The following NCAPG2 variants were observed in gnomAD, a reference collection of about 807,000 sequenced individuals.
NCAPG2 encodes condensin-2 complex subunit G2.
Under a neutral mutation model 141.1 loss-of-function variants are expected in NCAPG2, and 53 were observed. The observed-to-expected ratio is 0.38, with a 90% CI of 0.30 to 0.47. The LOEUF (loss-of-function observed/expected upper bound fraction) is 0.47. NCAPG2 is among the 20% of genes least tolerant of loss of function. The probability of loss-of-function intolerance (pLI) is 0.99; values close to 1 mark genes in which losing one functional copy is unlikely to be tolerated. For missense variants in NCAPG2, 1,087 were observed against 1,389.0 expected, an observed-to-expected ratio of 0.78 and a Z score of 3.46; for synonymous variants, 499 against 490.7, an observed-to-expected ratio of 1.02 and a Z score of -0.22.
Position 158,669,679 on chromosome 7 carries a change from G to C in NCAPG2, c.1479+1835C>G, listed in dbSNP as rs535665709. Among the ~76,000 whole-genome samples, 12 of 140,734 alleles carry C rather than the reference G, an allele frequency of 8.5e-5. No homozygotes were observed. The East Asian group carries it at 2.6e-3, about 30-fold the overall frequency. 92.3% of individuals were successfully genotyped at this position (140,734 alleles called of 152,430 possible). ...AGCTACTCAGGAGGCTGAGGCAGGAGAATCACTTGAAGCTGGGAGGCGGAG... is the reference window on the plus strand; with the variant it reads ...AGCTACTCAGGAGGCTGAGGCAGGACAATCACTTGAAGCTGGGAGGCGGAG... On this transcript the variant is annotated intron_variant, in intron 13 of 27. Transcript: ENST00000356309.
intron 19 of NCAPG2, among the ~76,000 whole-genome samples, chr7:158,655,742 G>GCCCTGCACGCCGCACCACCCGTCCCCTC (rs1405727341): frequency 6.6e-6 from 1 of 151,830 alleles, no homozygotes; most frequent in Non-Finnish European, 1.5e-5. Flanking sequence ...CTCCCCATCT[G>GCCCTGCACGCCGCACCACCCGTCCCCTC]CCTGGCTCCA....
At chr7:158,694,144 G>C (rs1318695490) in intron 2 of NCAPG2, among the ~76,000 whole-genome samples, 1 of 152,216 alleles carries the variant, frequency 6.6e-6, no homozygotes, top group Non-Finnish European at 1.5e-5. Context: ...CACTCTGGGA[G>C]AGAGGGCTGC....
At chr7:158,695,696 C>G (rs1835399810) in intron 2 of NCAPG2, among the ~76,000 whole-genome samples, 2 of 152,268 alleles carry the variant, frequency 1.3e-5, no homozygotes, top group African/African-American at 4.8e-5. Context: ...TGGTCATTGC[C>G]TGGCATTGCC....
intron 25 of NCAPG2, 69 bp downstream of exon 25, chr7:158,646,385 AAGGAAT>A: frequency 9.3e-7 from 1 of 1,073,850 alleles, no homozygotes; most frequent in Non-Finnish European, 1.3e-6. Context: ...TTGAGTGTAA[AAGGAAT>A]AGAACAAAAG....
rs41268947 is a variant in NCAPG2 at position 158,646,331 on chromosome 7, T to C, written c.3179+129A>G. 2.7e-3 allele frequency: 1,649 copies of C among 620,004 alleles called. 13 individuals are homozygous for C. The highest frequency in any genetic ancestry group is 0.012 in the African/African-American group (624 of 51,196). The allele number at this position is 620,004 out of a possible 1,614,324, so 38.4% of individuals were successfully genotyped here. ...TACTGATAAAATGGAGAAAAAATTA[T>C]ATGAAACATTTTTCTCATAGAAAAG... On this transcript the variant is annotated intron_variant, in intron 25 of 27. Transcript: ENST00000356309.
chr7:158,673,177 C>T (rs1401376064), intron 12 of NCAPG2, among the ~76,000 whole-genome samples: 2 of 152,304 alleles, frequency 1.3e-5, no homozygotes, highest in East Asian at 1.9e-4. Flanking sequence ...AAGAACAGCA[C>T]GCAAGTGAGT....
intron 23 of NCAPG2, among the ~76,000 whole-genome samples, chr7:158,651,533 A>C (rs1831494809): frequency 6.6e-6 from 1 of 152,198 alleles, no homozygotes; most frequent in South Asian, 2.1e-4. Context: ...CCATTTAAGC[A>C]TTTTTTAAAG....
intron 17 of NCAPG2, 111 bp from the exon 18 acceptor site, chr7:158,656,816 G>A (rs566845088): frequency 4.8e-6 from 6 of 1,258,004 alleles, no homozygotes; most frequent in African/African-American, 4.5e-5. Context: ...ATAAGCCCTT[G>A]TTATTATATT....
Position 158,655,357 on chromosome 7 carries a change from G to A in NCAPG2, c.2487C>T (p.Ser829=), listed in dbSNP as rs1374873177. 3.1e-6 allele frequency: 5 copies of A among 1,614,068 alleles called. No homozygotes were observed. The highest frequency in any genetic ancestry group is 1.3e-5 in the African/African-American group (1 of 74,926). Residue 829 remains serine, a synonymous_variant, in exon 20 of 28, where the codon AGC becomes AGT. Coordinates refer to ENST00000356309, the MANE Select transcript of NCAPG2 (RefSeq NM_017760.7). ...GGCACACCTTGTGCTGAAGATGGAT[G>A]CTCAGGCGACAGTGGAGACCAAAGG... The part of the protein sequence containing the change: ...PRAFGLHCRL[S]IHLQHKFCSE...
At chr7:158,642,483 G>A (rs1381951153) in intron 27 of NCAPG2, among the ~76,000 whole-genome samples, 2 of 151,796 alleles carry the variant, frequency 1.3e-5, no homozygotes, top group Non-Finnish European at 2.9e-5. Context: ...AGCTGTGATC[G>A]TGCCACTACA....
rs762482027 is a variant in NCAPG2, at chr7:158,687,375, A to C, written c.740T>G (p.Ile247Ser). ...INFIKMIHGT[I>S]KNQLQGLQKS... ...TTGTAATCCCTGTAACTGGTTTTTA[A>C]TGGTCCCGTGGATCATTTTGATGAA... The change falls in exon 7 of 28, where the codon ATT becomes AGT. Residue 247 changes from isoleucine to serine, a missense_variant. Ile to Ser is a moderately radical substitution (Grantham distance 142). Coordinates refer to ENST00000356309, the MANE Select transcript of NCAPG2 (RefSeq NM_017760.7). 6.2e-7 allele frequency: 1 copy of C among 1,610,810 alleles called. No homozygotes were observed. The highest frequency in any genetic ancestry group is 1.1e-5 in the South Asian group (1 of 90,272).
intron 27 of NCAPG2, chr7:158,640,005 T>C (rs1830524586): frequency 4.6e-6 from 1 of 217,118 alleles, no homozygotes; most frequent in Admixed American, 7.9e-5. Context: ...CAATAATAAC[T>C]GAGAATTTAT....
rs143893873 is a variant in NCAPG2, at chr7:158,637,194, G to A, written c.3381-5477C>T. The stretch of plus-strand genomic sequence containing the variant: ...GATCTCCTGACCTCGTGATCCACCT[G>A]CCTTGGCCTCCCAAAGTGCTGAGAG... On this transcript the variant is annotated intron_variant, in intron 27 of 27. Transcript: ENST00000356309. Among the ~76,000 whole-genome samples, 1,377 of 152,266 alleles carry A rather than the reference G, an allele frequency of 9.0e-3. 23 individuals carry two copies. The highest frequency in any genetic ancestry group is 0.031 in the African/African-American group (1,290 of 41,552).
intron 27 of NCAPG2, among the ~76,000 whole-genome samples, chr7:158,637,285 A>G (rs1180591104): frequency 6.6e-6 from 1 of 152,184 alleles, no homozygotes; most frequent in Admixed American, 6.5e-5. Flanking sequence ...TGGACACTCA[A>G]TCATTTTTAG....
At chr7:158,647,011 C>T (rs114525049) in intron 24 of NCAPG2, among the ~76,000 whole-genome samples, 4,487 of 148,702 alleles carry the variant, frequency 0.03, 172 homozygotes, top group African/African-American at 0.096. Context: ...GGTGACAGAG[C>T]GACATCCTGT....
At chr7:158,680,391 T>TCTGGACAGCC (rs1350053195) in intron 10 of NCAPG2, among the ~76,000 whole-genome samples, 25 of 152,284 alleles carry the variant, frequency 1.6e-4, no homozygotes, top group South Asian at 8.3e-4. Context: ...ATCTCAAGGA[T>TCTGGACAGCC]CTGGACAGCC....
chr7:158,631,273 ACTGCGCCGGGCCC>A lies in NCAPG2; in HGVS notation c.*380_*392del, dbSNP rs1477798599. 4.8e-6 allele frequency: 1 copy of A among 207,716 alleles called. No individual in the cohort carries two copies. Among genetic ancestry groups the A allele is most frequent in the African/African-American group, 2.4e-5 (1 of 41,882 alleles). The allele number at this position is 207,716 out of a possible 1,614,324, so 12.9% of individuals were successfully genotyped here. A position where few individuals can be genotyped will look rare whatever the true frequency, so the allele number is the denominator to read the frequency against. Reference sequence around the variant, plus strand: ...AGTGCTGGGATTACAGGCGTGTGCCACTGCGCCGGGCCCCTAATACTTTCAAATAAACAAATGG... The same window carrying A: ...AGTGCTGGGATTACAGGCGTGTGCCACTAATACTTTCAAATAAACAAATGG... On this transcript the variant is annotated 3_prime_UTR_variant, in exon 28 of 28. Transcript: ENST00000356309.
chr7:158,636,442 C>T (rs1292157788), intron 27 of NCAPG2, among the ~76,000 whole-genome samples: 1 of 145,966 alleles, frequency 6.9e-6, no homozygotes, highest in Non-Finnish European at 1.5e-5. Context: ...ACTCTTAATG[C>T]CCAGGCTGGA....
chr7:158,678,328 C>G (rs1420484510), intron 11 of NCAPG2, among the ~76,000 whole-genome samples: 1 of 152,140 alleles, frequency 6.6e-6, no homozygotes, highest in Non-Finnish European at 1.5e-5. Flanking sequence ...GACAGGAGCT[C>G]TCAGCCAGCT....
Sources: allele counts gnomAD v4.1 joint callset (sites outside exome capture counted in the v4.1 genomes callset), GRCh38; gene constraint gnomAD v4.1.1; transcripts MANE v1.5; gene names NCBI Gene and HGNC (gene_info 2026-07-23, HGNC 2026-07-21).